The following CAMTA1 variants were observed in gnomAD, a reference collection of about 807,000 sequenced individuals.
CAMTA1 encodes the protein calmodulin binding transcription activator 1, also known as calmodulin-binding transcription activator 1.
In CAMTA1, 27 loss-of-function variants were observed where a neutral mutation model predicts 170.9. The ratio of observed to expected loss-of-function variants is 0.16; its 90% CI spans 0.12 to 0.22. CAMTA1 has a LOEUF of 0.22. Ranked by LOEUF, CAMTA1 falls within the 10% of genes least tolerant of loss-of-function variation. The pLI is 1.00. For missense variants in CAMTA1, 1,619 were observed against 2,217.2 expected (o/e 0.73, Z 5.42); for synonymous variants, 833 against 891.5 (o/e 0.93, Z 1.17).
chr1:7,397,592 G>A (rs1466478695), intron 5 of CAMTA1, among the ~76,000 whole-genome samples: 3 of 151,940 alleles, frequency 2.0e-5, no homozygotes, highest in Non-Finnish European at 4.4e-5. Context: ...GAAGTGCAAT[G>A]TTAAATTTTT....
intron 7 of CAMTA1, among the ~76,000 whole-genome samples, chr1:7,653,459 C>T (rs1387948646): frequency 6.6e-6 from 1 of 152,112 alleles, no homozygotes; most frequent in Non-Finnish European, 1.5e-5. Context: ...GACTGGGTCT[C>T]GCCATTTTGC....
chr1:7,037,146 C>T (rs755656051), intron 3 of CAMTA1, among the ~76,000 whole-genome samples: 35 of 152,172 alleles, frequency 2.3e-4, no homozygotes, highest in Non-Finnish European at 5.1e-4. Flanking sequence ...GAAAGAGAGA[C>T]GATACACTTG....
At chr1:7,017,557 T>C (rs1003730076) in intron 3 of CAMTA1, among the ~76,000 whole-genome samples, 2 of 152,236 alleles carry the variant, frequency 1.3e-5, no homozygotes, top group Admixed American at 6.5e-5. Context: ...TTGTAGGAAA[T>C]GGAAACACTG....
rs1179847987 is a variant in CAMTA1 at position 7,745,039 on chromosome 1, A to G, written c.4370+17A>G. 6 of 1,602,322 alleles carry G rather than the reference A, an allele frequency of 3.7e-6. No homozygotes were observed. Among genetic ancestry groups the G allele is most frequent in the Non-Finnish European group, 5.1e-6 (6 of 1,174,058 alleles). On this transcript the variant is annotated intron_variant, in intron 17 of 22. Coordinates refer to ENST00000303635, the MANE Select transcript of CAMTA1 (RefSeq NM_015215.4). ...CCAGATCCGGTGAGTAAAGTTACGG[A>G]GGTCACTACCCAGCATAGATTCCCG... is the stretch of plus-strand genomic sequence containing the variant.
Position 7,655,078 on chromosome 1 carries a change from ACACACC to A in CAMTA1, c.665-6644_665-6639del, listed in dbSNP as rs1196973528. On this transcript the variant is annotated intron_variant, in intron 7 of 22. Coordinates refer to ENST00000303635, the MANE Select transcript of CAMTA1 (RefSeq NM_015215.4). Reference sequence around the variant, plus strand: ...TATACAAACACACCCACCTATACACACACACCCACCTATACACACACACCTATACAC... The same window carrying A: ...TATACAAACACACCCACCTATACACACACCTATACACACACACCTATACAC... Among the ~76,000 whole-genome samples the A allele has an allele frequency of 6.0e-5, 7 of 115,978 alleles. No individual in the cohort carries two copies. The South Asian group carries it at 1.0e-3, about 17-fold the overall frequency. The allele number at this position is 115,978 out of a possible 152,430, so 76.1% of individuals were successfully genotyped here.
chr1:6,816,525 G>C (rs11808855), intron 1 of CAMTA1, among the ~76,000 whole-genome samples: 20,342 of 152,276 alleles, frequency 0.13, 1,799 homozygotes, highest in Admixed American at 0.28. Context: ...CTGTGGGCGA[G>C]AGGCTTCCTG....
intron 4 of CAMTA1, among the ~76,000 whole-genome samples, chr1:7,103,900 AACT>A (rs1197794949): frequency 1.3e-5 from 2 of 149,738 alleles, no homozygotes; most frequent in African/African-American, 2.5e-5. Context: ...CACAACACAC[AACT>A]ACACGCGCAC....
intron 3 of CAMTA1, among the ~76,000 whole-genome samples, chr1:6,992,667 G>GAGGCCAGAGCTC (rs1328283670): frequency 6.6e-6 from 1 of 152,188 alleles, no homozygotes; most frequent in East Asian, 1.9e-4. Flanking sequence ...AAGCAGGCAC[G>GAGGCCAGAGCTC]TCTTACATGG....
At chr1:7,553,919 C>T (rs968720938) in intron 6 of CAMTA1, among the ~76,000 whole-genome samples, 1 of 152,174 alleles carries the variant, frequency 6.6e-6, no homozygotes, top group East Asian at 1.9e-4. Context: ...TGACTGCCCC[C>T]CTGCTCTGTC....
chr1:6,951,339 T>G (rs1336587871), intron 3 of CAMTA1, among the ~76,000 whole-genome samples: 1 of 152,228 alleles, frequency 6.6e-6, no homozygotes, highest in Non-Finnish European at 1.5e-5. Flanking sequence ...GGTAAGTCAC[T>G]TAACCTCTCT....
At chr1:7,206,098 G>T (rs1657687677) in intron 4 of CAMTA1, among the ~76,000 whole-genome samples, 1 of 152,126 alleles carries the variant, frequency 6.6e-6, no homozygotes, top group Admixed American at 6.5e-5. Context: ...TTTTAATTAT[G>T]AAGGCTTTGT....
chr1:7,196,403 T>C (rs1655543534), intron 4 of CAMTA1, among the ~76,000 whole-genome samples: 1 of 152,216 alleles, frequency 6.6e-6, no homozygotes, highest in South Asian at 2.1e-4. Flanking sequence ...ACAGTATGTG[T>C]GAAGAAAACA....
At chr1:7,719,161 T>A (rs888189438) in intron 11 of CAMTA1, among the ~76,000 whole-genome samples, 30 of 152,142 alleles carry the variant, frequency 2.0e-4, no homozygotes, top group African/African-American at 7.0e-4. Context: ...ACCTTTGTCT[T>A]TAGTTGGATT....
At chr1:6,995,495 G>A (rs1697114772) in intron 3 of CAMTA1, among the ~76,000 whole-genome samples, 1 of 151,664 alleles carries the variant, frequency 6.6e-6, no homozygotes, top group African/African-American at 2.4e-5. Context: ...GTAGAGACGA[G>A]GCTTCACCAT....
chr1:7,539,243 T>C (rs1213339351), intron 6 of CAMTA1, among the ~76,000 whole-genome samples: 1 of 152,262 alleles, frequency 6.6e-6, no homozygotes, highest in East Asian at 1.9e-4. Flanking sequence ...GCAGGACTGA[T>C]GGACAGCCAC....
intron 4 of CAMTA1, among the ~76,000 whole-genome samples, chr1:7,102,741 C>A (rs1642890976): frequency 6.6e-6 from 1 of 152,144 alleles, no homozygotes; most frequent in Non-Finnish European, 1.5e-5. Context: ...CTAATTAATT[C>A]AGTTCACCAG....
chr1:6,984,877 A>G (rs1300471491), intron 3 of CAMTA1, among the ~76,000 whole-genome samples: 1 of 152,168 alleles, frequency 6.6e-6, no homozygotes, highest in African/African-American at 2.4e-5. Flanking sequence ...ATTCCTGGGG[A>G]CGACAGTCTG....
intron 4 of CAMTA1, among the ~76,000 whole-genome samples, chr1:7,232,627 C>T (rs942592220): frequency 6.6e-6 from 1 of 152,152 alleles, no homozygotes; most frequent in African/African-American, 2.4e-5. Flanking sequence ...CGGGGCCAGG[C>T]ACGTAGGGAG....
At chr1:7,480,768 T>C (rs2093517798) in intron 6 of CAMTA1, among the ~76,000 whole-genome samples, 1 of 152,158 alleles carries the variant, frequency 6.6e-6, no homozygotes, top group Admixed American at 6.5e-5. Context: ...CACTTTCTCC[T>C]GGGATCATCT....
Sources: allele counts gnomAD v4.1 joint callset (sites outside exome capture counted in the v4.1 genomes callset), GRCh38; gene constraint gnomAD v4.1.1; transcripts MANE v1.5; gene names NCBI Gene and HGNC (gene_info 2026-07-23, HGNC 2026-07-21).